BBOF1: variants seen among roughly 807,000 people sequenced by gnomAD.
The protein encoded by BBOF1 is basal body orientation factor 1.
A neutral mutation model predicts 68.0 loss-of-function variants in BBOF1; 62 were observed. The ratio of observed to expected loss-of-function variants is 0.91; its 90% CI spans 0.74 to 1.13. The LOEUF is 1.13. Ranked by LOEUF, BBOF1 falls within the 50% of genes most tolerant of loss-of-function variation. BBOF1 has a pLI of 0.00. For synonymous variants in BBOF1, 208 were observed against 198.8 expected (o/e 1.05, Z -0.39); for missense variants, 534 against 600.1 (o/e 0.89, Z 1.15).
chr14:74,021,617 T>G (rs1197741240), intron 1 of BBOF1, among the ~76,000 whole-genome samples: 1 of 150,906 alleles, frequency 6.6e-6, no homozygotes, highest in Non-Finnish European at 1.5e-5. Flanking sequence ...CGGTGAACTG[T>G]GGCACCAGCT....
At chr14:74,028,142 T>C (rs982877846) in intron 2 of BBOF1, among the ~76,000 whole-genome samples, 2 of 151,982 alleles carry the variant, frequency 1.3e-5, no homozygotes, top group Non-Finnish European at 2.9e-5. Flanking sequence ...CTGAGGCTGG[T>C]GGATCACCTG....
At chr14:74,081,752 C>T (rs2060669920) in intron 12 of BBOF1, among the ~76,000 whole-genome samples, 1 of 152,106 alleles carries the variant, frequency 6.6e-6, no homozygotes, top group Admixed American at 6.6e-5. Flanking sequence ...TCACTTATTG[C>T]AGTACAATAA....
chr14:74,019,600 G>A, intron 1 of BBOF1, 66 bp downstream of exon 1: 1 of 1,541,130 alleles, frequency 6.5e-7, no homozygotes, highest in Non-Finnish European at 8.8e-7. Flanking sequence ...TCTGGGGCTG[G>A]CAACCTGGCG....
In BBOF1 at chr14:74,065,486, T is replaced by A. The variant is rs546384432; in HGVS notation, c.*787T>A. 4.6e-6 allele frequency: 4 copies of A among 870,434 alleles called. No homozygotes were observed. In the African/African-American group the frequency reaches 6.7e-5, roughly 15 times the overall value. The allele number at this position is 870,434 out of a possible 1,614,324, so 53.9% of individuals were successfully genotyped here. ...CAACTTTCATATTACTAATCTCTTT[T>A]CATTTCAAATCACCTATTTAAAAAA... On this transcript the variant is annotated 3_prime_UTR_variant, in exon 12 of 12. Coordinates refer to ENST00000394009, the MANE Select transcript of BBOF1 (RefSeq NM_025057.3).
At chr14:74,063,377 G>A (rs956533279) in intron 11 of BBOF1, among the ~76,000 whole-genome samples, 2 of 151,196 alleles carry the variant, frequency 1.3e-5, no homozygotes, top group Admixed American at 6.6e-5. Context: ...AGTAGAGGGG[G>A]TTTTGCCATG....
intron 7 of BBOF1, 179 bp downstream of exon 7, chr14:74,048,253 A>T (rs1204464634): frequency 4.3e-5 from 23 of 539,076 alleles, no homozygotes; most frequent in Non-Finnish European, 9.7e-6. Context: ...TGCTTATAAG[A>T]AGCATTAGAC....
intron 1 of BBOF1, among the ~76,000 whole-genome samples, chr14:74,020,213 C>T (rs1202901129): frequency 6.6e-6 from 1 of 151,122 alleles, no homozygotes; most frequent in Non-Finnish European, 1.5e-5. Context: ...TTTTTCTTCC[C>T]ATTTGTTAAT....
In BBOF1 at chr14:74,030,150, C is replaced by G. The variant is rs998644774; in HGVS notation, c.351+901C>G. Among the ~76,000 whole-genome samples the G allele has an allele frequency of 2.6e-5, 4 of 152,088 alleles. No individual in the cohort carries two copies. In the South Asian group the frequency reaches 8.3e-4, roughly 31 times the overall value. ...TGAAATTCTTTTCTATGAGGTTATG[C>G]CACCAACTCAACAACACATTTTGCT... On this transcript the variant is annotated intron_variant, in intron 3 of 11. Transcript: ENST00000394009.
At chr14:74,033,122 G>A (rs936098828) in intron 3 of BBOF1, among the ~76,000 whole-genome samples, 2 of 152,010 alleles carry the variant, frequency 1.3e-5, no homozygotes, top group African/African-American at 4.8e-5. Flanking sequence ...GGGTATTAGG[G>A]TTATGTCAGA....
chr14:74,059,994 AAG>A (rs2060304130), intron 11 of BBOF1: 1 of 154,604 alleles, frequency 6.5e-6, no homozygotes, highest in South Asian at 2.0e-4. Context: ...TGTGGGATAA[AAG>A]AGGGGCTAAA....
At chr14:74,074,905 C>A (rs757605242) in intron 9 of BBOF1, 21 of 1,573,700 alleles carry the variant, frequency 1.3e-5, no homozygotes, top group Admixed American at 1.7e-5. Flanking sequence ...ATACCCAAAA[C>A]TATACTGAAT....
At chr14:74,066,203 C>A, downstream of BBOF1, 1 of 169,394 alleles carries the variant, frequency 5.9e-6, no homozygotes, top group South Asian at 1.4e-4. Context: ...CATTAACAAA[C>A]CAGTATAAGA....
intron 8 of BBOF1, among the ~76,000 whole-genome samples, chr14:74,050,828 G>T (rs1393553294): frequency 6.6e-6 from 1 of 152,082 alleles, no homozygotes; most frequent in African/African-American, 2.4e-5. Context: ...TTATTTGTAG[G>T]CCAGGCATGG....
rs186963818 is a variant in BBOF1 at position 74,059,275 on chromosome 14, T to C, written c.1578+2017T>C. 661 of 399,782 alleles carry C rather than the reference T, an allele frequency of 1.7e-3. 3 individuals are homozygous for C. The highest frequency in any genetic ancestry group is 3.2e-3 in the Middle Eastern group (9 of 2,776). The allele number at this position is 399,782 out of a possible 1,614,324, so 24.8% of individuals were successfully genotyped here. ...TAGAAATACAGGCAAGAGAAAAGAA[T>C]ATATAAAATTTGGCAAGTAATAGCA... On this transcript the variant is annotated intron_variant, in intron 11 of 11. Transcript: ENST00000394009.
Position 74,040,609 on chromosome 14 carries a change from T to A in BBOF1, c.540T>A (p.Thr180=). The A allele has an allele frequency of 6.3e-7, 1 of 1,595,184 alleles. No individual in the cohort carries two copies. The highest frequency in any genetic ancestry group is 8.5e-7 in the Non-Finnish European group (1 of 1,172,842). Residue 180 remains threonine, a synonymous_variant, in exon 5 of 12, where the codon ACT becomes ACA. Transcript: ENST00000394009. ...ACACAGAGCGGATACATCAGGAGAC[T>A]CTTAGAAGACTGGAAAGCAGATTTT... is the stretch of plus-strand genomic sequence containing the variant. ...LRNTERIHQE[T]LRRLESRFFE...
intron 2 of BBOF1, among the ~76,000 whole-genome samples, chr14:74,027,650 T>C (rs966710583): frequency 1.3e-5 from 2 of 152,106 alleles, no homozygotes; most frequent in Non-Finnish European, 2.9e-5. Flanking sequence ...GACACAACCT[T>C]AACCAACTGG....
chr14:74,041,300 C>T (rs1370637746), intron 5 of BBOF1, among the ~76,000 whole-genome samples: 1 of 152,102 alleles, frequency 6.6e-6, no homozygotes, highest in East Asian at 1.9e-4. Flanking sequence ...AAGACTCCTT[C>T]TCAAATAAAA....
chr14:74,026,835 G>T (rs1446324919), intron 2 of BBOF1, among the ~76,000 whole-genome samples: 1 of 151,798 alleles, frequency 6.6e-6, no homozygotes, highest in Non-Finnish European at 1.5e-5. Context: ...TGAGACAGGA[G>T]AATCGCTTGA....
At chr14:74,048,152 A>G (rs535639911) in intron 7 of BBOF1, 78 bp downstream of exon 7, 2 of 1,386,586 alleles carry the variant, frequency 1.4e-6, no homozygotes, top group East Asian at 2.3e-5. Flanking sequence ...AATTGGGTAT[A>G]ATAATGATAT....
Sources: gnomAD v4.1 joint callset for allele counts (sites outside exome capture counted in the v4.1 genomes callset) on GRCh38, gnomAD v4.1.1 for gene constraint, MANE v1.5 for transcripts, NCBI Gene and HGNC (gene_info 2026-07-23, HGNC 2026-07-21) for gene names.